NRG3: variants seen among roughly 807,000 people sequenced by gnomAD.
The protein encoded by NRG3 is neuregulin 3.
Under a neutral mutation model 66.9 loss-of-function variants are expected in NRG3, and 31 were observed. The observed-to-expected ratio is 0.46, with a 90% CI of 0.35 to 0.63. The LOEUF (loss-of-function observed/expected upper bound fraction) is 0.63. NRG3 is among the 20% of genes least tolerant of loss of function. The pLI, the probability that NRG3 is intolerant of heterozygous loss-of-function variation, is 0.00. For synonymous variants in NRG3, 393 were observed against 359.4 expected (o/e 1.09, Z -1.06); for missense variants, 910 against 878.9 (o/e 1.04, Z -0.45).
intron 1 of NRG3, among the ~76,000 whole-genome samples, chr10:82,270,169 C>T (rs1278506391): frequency 2.0e-5 from 3 of 152,180 alleles, no homozygotes; most frequent in African/African-American, 7.2e-5. Flanking sequence ...CATGTCCTAA[C>T]AGTCTGCACT....
intron 1 of NRG3, among the ~76,000 whole-genome samples, chr10:82,175,543 T>C (rs1352107906): frequency 6.6e-6 from 1 of 152,200 alleles, no homozygotes; most frequent in African/African-American, 2.4e-5. Context: ...CTGTTCTACC[T>C]GGGAAACTAT....
intron 1 of NRG3, among the ~76,000 whole-genome samples, chr10:82,151,809 A>G (rs1045023765): frequency 6.6e-6 from 1 of 152,314 alleles, no homozygotes; most frequent in Admixed American, 6.5e-5. Context: ...GTAGTGCTTC[A>G]GCATAGGCTC....
chr10:82,293,510 T>G (rs1439964633), intron 1 of NRG3, among the ~76,000 whole-genome samples: 1 of 152,138 alleles, frequency 6.6e-6, no homozygotes, highest in African/African-American at 2.4e-5. Context: ...ATGATAAAAT[T>G]TCTCTGAGGC....
intron 1 of NRG3, among the ~76,000 whole-genome samples, chr10:82,180,943 C>G (rs1481108556): frequency 2.0e-5 from 3 of 151,762 alleles, no homozygotes; most frequent in Non-Finnish European, 3.0e-5. Context: ...TTAACTGATT[C>G]AGTCACCTTA....
intron 1 of NRG3, among the ~76,000 whole-genome samples, chr10:82,118,976 C>G (rs1045308603): frequency 7.2e-5 from 11 of 152,240 alleles, no homozygotes; most frequent in Admixed American, 7.2e-4. Context: ...AACTGAGTGT[C>G]CTGCTTAAAG....
At chr10:82,030,941 A>G (rs2062543574) in intron 1 of NRG3, among the ~76,000 whole-genome samples, 1 of 152,168 alleles carries the variant, frequency 6.6e-6, no homozygotes, top group Non-Finnish European at 1.5e-5. Context: ...AAAGGTAGAA[A>G]TAATTATTGG....
intron 2 of NRG3, among the ~76,000 whole-genome samples, chr10:82,590,747 C>T (rs537059954): frequency 1.6e-4 from 24 of 152,280 alleles, no homozygotes; most frequent in African/African-American, 5.5e-4. Context: ...TGATGCTCAA[C>T]ATCAGGTAGG....
At chr10:82,854,004 C>T (rs1475122290) in intron 3 of NRG3, among the ~76,000 whole-genome samples, 1 of 152,010 alleles carries the variant, frequency 6.6e-6, no homozygotes, top group African/African-American at 2.4e-5. Context: ...TTTATACTTC[C>T]CAAAAGTATA....
At chr10:82,495,985 TA>T (rs1423563824) in intron 2 of NRG3, among the ~76,000 whole-genome samples, 1 of 152,192 alleles carries the variant, frequency 6.6e-6, no homozygotes, top group African/African-American at 2.4e-5. Flanking sequence ...TTTTTCTTTT[TA>T]TTAGAATTTA....
intron 2 of NRG3, among the ~76,000 whole-genome samples, chr10:82,381,436 C>T (rs1181206333): frequency 6.6e-6 from 1 of 152,022 alleles, no homozygotes; most frequent in African/African-American, 2.4e-5. Context: ...CTATCATACC[C>T]CATTTTATAG....
At chr10:82,274,570 G>T (rs935873166) in intron 1 of NRG3, among the ~76,000 whole-genome samples, 1 of 151,918 alleles carries the variant, frequency 6.6e-6, no homozygotes, top group Non-Finnish European at 1.5e-5. Context: ...GTTACAAAAA[G>T]AGACCAAGTC....
At chr10:82,473,974 A>T (rs1841518851) in intron 2 of NRG3, among the ~76,000 whole-genome samples, 1 of 152,128 alleles carries the variant, frequency 6.6e-6, no homozygotes, top group Non-Finnish European at 1.5e-5. Flanking sequence ...AAAATAAGAC[A>T]TTTAAAAACT....
At chr10:82,373,099 G>T (rs548559200) in intron 2 of NRG3, among the ~76,000 whole-genome samples, 1 of 152,180 alleles carries the variant, frequency 6.6e-6, no homozygotes, top group Non-Finnish European at 1.5e-5. Context: ...TGCGAGGCTC[G>T]CATAGGGTGA....
At chr10:82,131,191 A>G (rs117151248) in intron 1 of NRG3, among the ~76,000 whole-genome samples, 3 of 152,088 alleles carry the variant, frequency 2.0e-5, no homozygotes, top group East Asian at 3.9e-4. Context: ...AGATTTAAGT[A>G]TTTAATCCAT....
At chr10:82,881,473 G>C (rs536911830) in intron 4 of NRG3, among the ~76,000 whole-genome samples, 2 of 152,238 alleles carry the variant, frequency 1.3e-5, no homozygotes, top group South Asian at 4.1e-4. Context: ...AGAATATGGG[G>C]CCTTTTGTTC....
chr10:82,068,385 C>T (rs2064610566), intron 1 of NRG3, among the ~76,000 whole-genome samples: 1 of 152,124 alleles, frequency 6.6e-6, no homozygotes, highest in African/African-American at 2.4e-5. Context: ...TGATTCCCTC[C>T]TTTATTCAAT....
chr10:82,802,799 C>T (rs141963474), intron 3 of NRG3, among the ~76,000 whole-genome samples: 160 of 152,050 alleles, frequency 1.1e-3, no homozygotes, highest in African/African-American at 3.6e-3. Flanking sequence ...ACTACAGGCA[C>T]GCACCACCAA....
chr10:82,792,132 A>G (rs1170290719), intron 3 of NRG3, among the ~76,000 whole-genome samples: 1 of 152,082 alleles, frequency 6.6e-6, no homozygotes, highest in African/African-American at 2.4e-5. Context: ...CCTTTGGTTT[A>G]TTTCTAGAGT....
At chr10:82,551,944 C>CT (rs987380731) in intron 2 of NRG3, among the ~76,000 whole-genome samples, 5 of 151,898 alleles carry the variant, frequency 3.3e-5, no homozygotes, top group East Asian at 3.9e-4. Flanking sequence ...CCATTCTCTT[C>CT]TTTTTTTTAA....
Sources: gnomAD v4.1 joint callset for allele counts (sites outside exome capture counted in the v4.1 genomes callset) on GRCh38, gnomAD v4.1.1 for gene constraint, MANE v1.5 for transcripts, NCBI Gene and HGNC (gene_info 2026-07-23, HGNC 2026-07-21) for gene names.